The following NSMCE2 variants were observed in gnomAD, a reference collection of about 807,000 sequenced individuals.
The protein encoded by NSMCE2 is NSE2 SUMO ligase component of SMC5/6 complex.
A neutral mutation model predicts 23.8 loss-of-function variants in NSMCE2; 24 were observed. The ratio of observed to expected loss-of-function variants is 1.01; its 90% CI spans 0.73 to 1.42. The LOEUF (loss-of-function observed/expected upper bound fraction) is 1.42, where lower values mean the gene tolerates loss of function less well. Ranked by LOEUF, NSMCE2 falls within the 40% of genes most tolerant of loss-of-function variation. The probability of loss-of-function intolerance (pLI) is 0.00; values close to 1 mark genes in which losing one functional copy is unlikely to be tolerated. For missense variants in NSMCE2, 284 were observed against 296.5 expected, an observed-to-expected ratio of 0.96 and a Z score of 0.31; for synonymous variants, 92 against 94.1, an observed-to-expected ratio of 0.98 and a Z score of 0.13.
At chr8:125,215,012 CTTTATTTTAT>C (rs760354733) in intron 5 of NSMCE2, among the ~76,000 whole-genome samples, 16 of 131,986 alleles carry the variant, frequency 1.2e-4, no homozygotes, top group East Asian at 6.1e-4. Context: ...TTGGTAACCA[CTTTATTTTAT>C]TTTATTTTAT....
chr8:125,366,891 G>A lies in NSMCE2; in HGVS notation c.*6G>A, dbSNP rs1385936775. 1 of 1,525,190 alleles carries A rather than the reference G, an allele frequency of 6.6e-7. No individual in the cohort carries two copies. Among genetic ancestry groups the A allele is most frequent in the Admixed American group, 1.7e-5 (1 of 59,888 alleles). 94.5% of individuals were successfully genotyped at this position (1,525,190 alleles called of 1,614,324 possible). A position where few individuals can be genotyped will look rare whatever the true frequency, so the allele number is the denominator to read the frequency against. On this transcript the variant is annotated 3_prime_UTR_variant, in exon 8 of 8. Coordinates refer to ENST00000287437, the MANE Select transcript of NSMCE2 (RefSeq NM_173685.4). ...GACATCGTCATTCCGAGTAGGAAAA[G>A]CCACCTGCCTGCAGGGACACCAGCA...
intron 5 of NSMCE2, among the ~76,000 whole-genome samples, chr8:125,220,184 T>C (rs1054293298): frequency 1.3e-5 from 2 of 152,180 alleles, no homozygotes; most frequent in African/African-American, 4.8e-5. Context: ...TTGATCTCAT[T>C]TGGGCAGGAG....
At chr8:125,286,104 C>G (rs773482422) in intron 5 of NSMCE2, among the ~76,000 whole-genome samples, 2 of 151,834 alleles carry the variant, frequency 1.3e-5, no homozygotes, top group Non-Finnish European at 2.9e-5. Context: ...CAATACCTTA[C>G]CTTCAGGGCC....
At chr8:125,320,111 G>C (rs1829365628) in intron 5 of NSMCE2, among the ~76,000 whole-genome samples, 1 of 149,446 alleles carries the variant, frequency 6.7e-6, no homozygotes, top group Non-Finnish European at 1.5e-5. Context: ...AGGAGGTGGA[G>C]GTTTCAATGA....
chr8:125,096,258 G>A (rs1387844497), intron 1 of NSMCE2, among the ~76,000 whole-genome samples: 1 of 152,178 alleles, frequency 6.6e-6, no homozygotes, highest in Admixed American at 6.5e-5. Flanking sequence ...CTAACTTCAA[G>A]GAAGGCTGGA....
chr8:125,295,250 A>G (rs73704912), intron 5 of NSMCE2, among the ~76,000 whole-genome samples: 4,767 of 152,154 alleles, frequency 0.031, 220 homozygotes, highest in African/African-American at 0.11. Flanking sequence ...GGGGCCCCTA[A>G]TCTGGTGACC....
At chr8:125,320,329 A>C (rs1016203949) in intron 5 of NSMCE2, among the ~76,000 whole-genome samples, 3 of 149,894 alleles carry the variant, frequency 2.0e-5, no homozygotes, top group African/African-American at 7.4e-5. Context: ...GAAGGGAAGG[A>C]AGGCAGGCTG....
At chr8:125,228,605 G>A (rs537131633) in intron 5 of NSMCE2, among the ~76,000 whole-genome samples, 25 of 152,310 alleles carry the variant, frequency 1.6e-4, no homozygotes, top group African/African-American at 6.0e-4. Context: ...TTGAGGCTGA[G>A]AGTATAGTAC....
intron 1 of NSMCE2, among the ~76,000 whole-genome samples, chr8:125,098,453 A>G (rs911453236): frequency 1.3e-5 from 2 of 152,132 alleles, no homozygotes; most frequent in African/African-American, 4.8e-5. Context: ...GAGGAGTCAC[A>G]TGATCTTACG....
At chr8:125,153,969 G>GT (rs774929037) in intron 4 of NSMCE2, among the ~76,000 whole-genome samples, 114 of 152,282 alleles carry the variant, frequency 7.5e-4, no homozygotes, top group Non-Finnish European at 1.3e-3. Flanking sequence ...ATAGGATTAA[G>GT]TATAGGCTAC....
At position 125,357,324 on chromosome 8, in the gene NSMCE2, C is replaced by G. The variant is rs770886768; in HGVS notation, c.519+5C>G. 2.6e-6 allele frequency: 4 copies of G among 1,556,884 alleles called. No homozygotes were observed. Among genetic ancestry groups the G allele is most frequent in the Non-Finnish European group, 3.5e-6 (4 of 1,127,884 alleles). On this transcript the variant is annotated splice_donor_5th_base_variant and intron_variant, in intron 6 of 7. Transcript: ENST00000287437. Reference sequence around the variant, plus strand: ...TTCACCTGCCCCATTACAAAGGTACCGCTTCCTCCTACTTCCCCTGAAAGA... The same window carrying G: ...TTCACCTGCCCCATTACAAAGGTACGGCTTCCTCCTACTTCCCCTGAAAGA...
chr8:125,298,687 G>GTTTTTTTTTTTTTTTTTTT (rs35334691), intron 5 of NSMCE2, among the ~76,000 whole-genome samples: 1 of 85,954 alleles, frequency 1.2e-5, no homozygotes, highest in African/African-American at 5.2e-5. Flanking sequence ...TCATCTGTGG[G>GTTTTTTTTTTTTTTTTTTT]TTTTTTTTTG....
At chr8:125,335,075 AG>A (rs1196509208) in intron 5 of NSMCE2, among the ~76,000 whole-genome samples, 2 of 152,082 alleles carry the variant, frequency 1.3e-5, no homozygotes, top group Non-Finnish European at 2.9e-5. Flanking sequence ...AGTATCTTGA[AG>A]CAATCTGGAA....
chr8:125,224,607 A>G (rs1825014664), intron 5 of NSMCE2, among the ~76,000 whole-genome samples: 1 of 152,222 alleles, frequency 6.6e-6, no homozygotes, highest in African/African-American at 2.4e-5. Context: ...AAATCAGTTG[A>G]ACATAAATTC....
At chr8:125,320,275 A>AGGAAGGAG (rs1829393255) in intron 5 of NSMCE2, among the ~76,000 whole-genome samples, 1 of 82,974 alleles carries the variant, frequency 1.2e-5, no homozygotes, top group African/African-American at 3.7e-5. Flanking sequence ...GAAGGAAGGA[A>AGGAAGGAG]GGAAGGAAGG....
At chr8:125,260,747 C>G (rs749318407) in intron 5 of NSMCE2, among the ~76,000 whole-genome samples, 18 of 151,790 alleles carry the variant, frequency 1.2e-4, no homozygotes, top group Non-Finnish European at 1.9e-4. Context: ...GCCTTAGCCT[C>G]CCGAGTAGCT....
At chr8:125,220,668 A>G (rs987933504) in intron 5 of NSMCE2, among the ~76,000 whole-genome samples, 18 of 151,908 alleles carry the variant, frequency 1.2e-4, no homozygotes, top group African/African-American at 4.3e-4. Context: ...TAAAGAACTT[A>G]CTCATAATGT....
rs564163431 is a variant in NSMCE2, at chr8:125,246,119, CTG to C, written c.418+63866_418+63867del. 1.6e-3 allele frequency among the ~76,000 whole-genome samples: 236 copies of C among 152,190 alleles called. 1 individual carries two copies. The highest frequency in any genetic ancestry group is 1.8e-3 in the Non-Finnish European group (123 of 68,012). On this transcript the variant is annotated intron_variant, in intron 5 of 7. Coordinates refer to ENST00000287437, the MANE Select transcript of NSMCE2 (RefSeq NM_173685.4). ...TATTTGAAAAGTAATATTTTTAACT[CTG>C]TGACAATTCAGTTTTAACTCTGTGA...
intron 5 of NSMCE2, among the ~76,000 whole-genome samples, chr8:125,292,615 T>C (rs1438973125): frequency 6.6e-6 from 1 of 152,098 alleles, no homozygotes; most frequent in African/African-American, 2.4e-5. Flanking sequence ...GCCCTTTGTA[T>C]CTTCAAAAGA....
Sources: gnomAD v4.1 joint callset for allele counts (sites outside exome capture counted in the v4.1 genomes callset) on GRCh38, gnomAD v4.1.1 for gene constraint, MANE v1.5 for transcripts, NCBI Gene and HGNC (gene_info 2026-07-23, HGNC 2026-07-21) for gene names.